SESN3: variants seen among roughly 807,000 people sequenced by gnomAD.
SESN3 encodes the protein sestrin 3, also known as sestrin-3.
A neutral mutation model predicts 55.3 loss-of-function variants in SESN3; 21 were observed. That is an observed-to-expected ratio of 0.38 (90% CI 0.27 to 0.55). The LOEUF (loss-of-function observed/expected upper bound fraction) is 0.55, where lower values mean the gene tolerates loss of function less well. SESN3 is among the 20% of genes least tolerant of loss of function. The pLI is 0.76. For missense variants in SESN3, 408 were observed against 604.3 expected (o/e 0.68, Z 3.41); for synonymous variants, 181 against 203.1 (o/e 0.89, Z 0.93).
intron 1 of SESN3, among the ~76,000 whole-genome samples, chr11:95,213,652 A>G (rs1860700301): frequency 6.6e-6 from 1 of 152,174 alleles, no homozygotes; most frequent in South Asian, 2.1e-4. Context: ...TAATTTGTTA[A>G]GCTTTTATTT....
chr11:95,188,268 C>A (rs1746456219), intron 4 of SESN3, among the ~76,000 whole-genome samples: 2 of 151,338 alleles, frequency 1.3e-5, no homozygotes, highest in Non-Finnish European at 1.5e-5. Flanking sequence ...TAAATTTATA[C>A]ACATAAAATA....
chr11:95,200,777 G>C (rs549328668), intron 1 of SESN3: 2 of 152,184 alleles, frequency 1.3e-5, no homozygotes, highest in East Asian at 3.9e-4. Flanking sequence ...ACATAGGAAA[G>C]ATCTTGTTAC....
chr11:95,189,981 A>G lies in SESN3; in HGVS notation c.343-20T>C. 6.4e-7 allele frequency: 1 copy of G among 1,559,056 alleles called. No individual in the cohort carries two copies. Among genetic ancestry groups the G allele is most frequent in the Non-Finnish European group, 8.7e-7 (1 of 1,152,594 alleles). On this transcript the variant is annotated intron_variant, in intron 3 of 9. Coordinates refer to ENST00000536441, the MANE Select transcript of SESN3 (RefSeq NM_144665.4). ...TGCAGCCTAAAGCACAAAGAAAAAA[A>G]TTCATTGATAAAAGAATCACAGTAG...
At chr11:95,213,669 G>A (rs181759020) in intron 1 of SESN3, among the ~76,000 whole-genome samples, 156 of 152,126 alleles carry the variant, frequency 1.0e-3, no homozygotes, top group African/African-American at 3.4e-3. Context: ...ATTTTTAATC[G>A]TTATTGCTTC....
At chr11:95,221,744 C>A (rs537152403) in intron 1 of SESN3, among the ~76,000 whole-genome samples, 12 of 152,272 alleles carry the variant, frequency 7.9e-5, no homozygotes, top group African/African-American at 2.6e-4. Flanking sequence ...AAGTGTTGGG[C>A]AGCATAATGC....
At chr11:95,229,776 C>T (rs1481978289) in intron 1 of SESN3, among the ~76,000 whole-genome samples, 2 of 152,190 alleles carry the variant, frequency 1.3e-5, no homozygotes, top group Admixed American at 1.3e-4. Context: ...AGTCCCGATG[C>T]ATTTGCACAG....
At chr11:95,179,347 G>A (rs1025948839) in intron 6 of SESN3, among the ~76,000 whole-genome samples, 1 of 151,994 alleles carries the variant, frequency 6.6e-6, no homozygotes, top group Non-Finnish European at 1.5e-5. Flanking sequence ...GTAGAGACAG[G>A]GTTTTGCCAT....
At chr11:95,200,290 T>TAA (rs979150798) in intron 1 of SESN3, among the ~76,000 whole-genome samples, 1 of 152,070 alleles carries the variant, frequency 6.6e-6, no homozygotes, top group African/African-American at 2.4e-5. Context: ...AACTTAACTT[T>TAA]AAAGGCCAGT....
chr11:95,184,078 T>C (rs1860114769), intron 6 of SESN3: 1 of 330,600 alleles, frequency 3.0e-6, no homozygotes, highest in Non-Finnish European at 5.4e-6. Flanking sequence ...ATTTTATCTA[T>C]TGAAACAATA....
At chr11:95,205,272 T>C (rs374691214) in intron 1 of SESN3, among the ~76,000 whole-genome samples, 2 of 152,036 alleles carry the variant, frequency 1.3e-5, no homozygotes, top group East Asian at 1.9e-4. Flanking sequence ...CAATGGGCAA[T>C]AGTAAAATAA....
chr11:95,207,202 A>G (rs1043559343), intron 1 of SESN3, among the ~76,000 whole-genome samples: 3 of 144,818 alleles, frequency 2.1e-5, no homozygotes, highest in African/African-American at 7.5e-5. Context: ...AGTATGTACC[A>G]ATTAAATTCA....
chr11:95,184,337 T>C, intron 6 of SESN3, 83 bp downstream of exon 6: 1 of 1,119,948 alleles, frequency 8.9e-7, no homozygotes, highest in Non-Finnish European at 1.3e-6. Context: ...AGAATCATTT[T>C]TACATATCCA....
rs150363340 is a variant in SESN3 at position 95,199,458 on chromosome 11, A to G, written c.79-5936T>C. ...CAAAACACTGAAAGGATGAGGATGA[A>G]TTATATTTAGAAAATCACTTATTTT... is the stretch of plus-strand genomic sequence containing the variant. On this transcript the variant is annotated intron_variant, in intron 1 of 9. Transcript: ENST00000536441. Among the ~76,000 whole-genome samples the G allele has an allele frequency of 7.1e-3, 1,085 of 152,192 alleles. 5 individuals are homozygous for G. Among genetic ancestry groups the G allele is most frequent in the African/African-American group, 7.9e-3 (329 of 41,570 alleles).
chr11:95,193,423 C>T (rs753534172), intron 2 of SESN3, 34 bp downstream of exon 2: 2 of 1,226,928 alleles, frequency 1.6e-6, no homozygotes, highest in Non-Finnish European at 2.4e-6. Flanking sequence ...ATTTTTAAAT[C>T]TTACTTTTTA....
intron 1 of SESN3, among the ~76,000 whole-genome samples, chr11:95,210,017 CA>C (rs71036380): frequency 0.28 from 17,270 of 60,960 alleles, 867 homozygotes; most frequent in Non-Finnish European, 0.32. Flanking sequence ...AACTCCATCT[CA>C]AAAAAAAAAA....
chr11:95,203,549 A>C (rs1289605552), intron 1 of SESN3, among the ~76,000 whole-genome samples: 1 of 152,156 alleles, frequency 6.6e-6, no homozygotes, highest in African/African-American at 2.4e-5. Context: ...TCACATTTTC[A>C]TTTTTACCTG....
Position 95,166,994 on chromosome 11 carries a change from T to C in SESN3, c.*6261A>G, listed in dbSNP as rs1374327507. The C allele has an allele frequency of 6.6e-6, 1 of 152,238 alleles. No homozygotes were observed. The highest frequency in any genetic ancestry group is 1.5e-5 in the Non-Finnish European group (1 of 68,038). The allele number at this position is 152,238 out of a possible 1,614,324, so 9.4% of individuals were successfully genotyped here. On this transcript the variant is annotated 3_prime_UTR_variant, in exon 10 of 10. Coordinates refer to ENST00000536441, the MANE Select transcript of SESN3 (RefSeq NM_144665.4). ...GCGAAATTCAGAAAGCGGAAGTCTC[T>C]CAACATTACAAAGGAAACTCCTTGG...
intron 1 of SESN3, among the ~76,000 whole-genome samples, chr11:95,226,229 T>A (rs11021091): frequency 0.29 from 43,714 of 152,028 alleles, 6,809 homozygotes; most frequent in Non-Finnish European, 0.34. Flanking sequence ...TTTTCTTTCT[T>A]ACACGGTTTA....
Position 95,175,483 on chromosome 11 carries a change from T to C in SESN3, c.1392+15A>G. On this transcript the variant is annotated intron_variant, in intron 9 of 9. Coordinates refer to ENST00000536441, the MANE Select transcript of SESN3 (RefSeq NM_144665.4). ...GAACTGTCTATGGTATAATGCTTAA[T>C]ACTGAAACACGTACTTTTTCTGAGT... 6.2e-7 allele frequency: 1 copy of C among 1,609,908 alleles called. No homozygotes were observed. The highest frequency in any genetic ancestry group is 8.5e-7 in the Non-Finnish European group (1 of 1,176,270).
Sources: gnomAD v4.1 joint callset for allele counts (sites outside exome capture counted in the v4.1 genomes callset) on GRCh38, gnomAD v4.1.1 for gene constraint, MANE v1.5 for transcripts, NCBI Gene and HGNC (gene_info 2026-07-23, HGNC 2026-07-21) for gene names.